STT3B: variants seen among roughly 807,000 people sequenced by gnomAD.
STT3B encodes STT3 oligosaccharyltransferase complex catalytic subunit B.
In STT3B, 29 loss-of-function variants were observed where a neutral mutation model predicts 96.8. The observed-to-expected ratio is 0.30, with a 90% CI of 0.22 to 0.41. The LOEUF (loss-of-function observed/expected upper bound fraction) is 0.41. STT3B is among the 10% of genes least tolerant of loss of function. STT3B has a pLI of 1.00. For missense variants in STT3B, 640 were observed against 1,022.3 expected (o/e 0.63, Z 5.10); for synonymous variants, 367 against 360.0 (o/e 1.02, Z -0.22).
At chr3:31,607,784 G>A (rs533651139) in intron 5 of STT3B, among the ~76,000 whole-genome samples, 11 of 151,978 alleles carry the variant, frequency 7.2e-5, no homozygotes, top group Middle Eastern at 6.8e-3. Context: ...TGTAGAAATG[G>A]TAGGGGGATC....
chr3:31,622,383 A>G (rs965392186), intron 10 of STT3B, 75 bp downstream of exon 10: 25 of 1,191,322 alleles, frequency 2.1e-5, no homozygotes, highest in East Asian at 2.5e-5. Flanking sequence ...AGAACTATAC[A>G]TATCAAGAAA....
At chr3:31,596,025 T>A (rs1282765906) in intron 3 of STT3B, among the ~76,000 whole-genome samples, 1 of 152,214 alleles carries the variant, frequency 6.6e-6, no homozygotes, top group African/African-American at 2.4e-5. Context: ...TTGTATCTTA[T>A]CTCCACAGTA....
At chr3:31,618,376 A>AT (rs1002661241) in intron 8 of STT3B, among the ~76,000 whole-genome samples, 1 of 151,584 alleles carries the variant, frequency 6.6e-6, no homozygotes, top group East Asian at 1.9e-4. Flanking sequence ...AGAAAATTTA[A>AT]TTTTTTCTAA....
At chr3:31,614,357 C>G (rs947302920) in intron 5 of STT3B, among the ~76,000 whole-genome samples, 1 of 151,884 alleles carries the variant, frequency 6.6e-6, no homozygotes, top group Admixed American at 6.6e-5. Flanking sequence ...TAATCAATTG[C>G]GTAACAGTGG....
At chr3:31,559,146 GGTGTGTGTGTGTGTGTGTGTGT>G (rs55707310) in intron 1 of STT3B, among the ~76,000 whole-genome samples, 1 of 116,532 alleles carries the variant, frequency 8.6e-6, no homozygotes, top group Non-Finnish European at 1.8e-5. Context: ...TGATTCTTGG[GGTGTGTGTGTGTGTGTGTGTGT>G]GTGTGTGTGT....
chr3:31,610,134 G>A (rs1409279204), intron 5 of STT3B, among the ~76,000 whole-genome samples: 2 of 152,090 alleles, frequency 1.3e-5, no homozygotes, highest in African/African-American at 4.8e-5. Flanking sequence ...TTTAATCCAT[G>A]TTTCTTACTA....
intron 1 of STT3B, among the ~76,000 whole-genome samples, chr3:31,541,638 G>A (rs930284910): frequency 1.3e-5 from 2 of 151,872 alleles, no homozygotes; most frequent in East Asian, 1.9e-4. Context: ...TTGCAGTGGC[G>A]CGATCTCAGC....
intron 14 of STT3B, among the ~76,000 whole-genome samples, chr3:31,632,391 G>A (rs1380460831): frequency 1.3e-5 from 2 of 152,224 alleles, no homozygotes; most frequent in East Asian, 1.9e-4. Flanking sequence ...AATTTTTAGC[G>A]TTAAGTAAAG....
chr3:31,558,639 A>G (rs1234234808), intron 1 of STT3B, among the ~76,000 whole-genome samples: 1 of 152,148 alleles, frequency 6.6e-6, no homozygotes, highest in Admixed American at 6.5e-5. Flanking sequence ...AGCCAGTTGT[A>G]GTATCCTTGT....
At chr3:31,577,701 A>G (rs2125452520) in intron 2 of STT3B, among the ~76,000 whole-genome samples, 1 of 152,220 alleles carries the variant, frequency 6.6e-6, no homozygotes, top group South Asian at 2.1e-4. Flanking sequence ...CCTTGATGTA[A>G]ATAGAGAGAA....
At chr3:31,620,520 G>A (rs544263204) in intron 9 of STT3B, among the ~76,000 whole-genome samples, 8 of 152,072 alleles carry the variant, frequency 5.3e-5, no homozygotes, top group East Asian at 1.9e-4. Flanking sequence ...ATTTTATAGC[G>A]GAATAAGGAT....
intron 1 of STT3B, among the ~76,000 whole-genome samples, chr3:31,534,518 C>T (rs1697036578): frequency 6.6e-6 from 1 of 152,092 alleles, no homozygotes; most frequent in South Asian, 2.1e-4. Context: ...AATTAAATTT[C>T]AGGATATTTG....
At chr3:31,618,256 C>T (rs192964640) in intron 8 of STT3B, among the ~76,000 whole-genome samples, 70 of 145,454 alleles carry the variant, frequency 4.8e-4, no homozygotes, top group African/African-American at 1.6e-3. Context: ...ATTTAGGTTA[C>T]CTTTGTGCAA....
At chr3:31,538,474 A>G (rs989884383) in intron 1 of STT3B, among the ~76,000 whole-genome samples, 1 of 151,662 alleles carries the variant, frequency 6.6e-6, no homozygotes, top group African/African-American at 2.4e-5. Context: ...CTCAGAAGAA[A>G]CTCTAAAGTG....
rs1699531173 is a variant in STT3B at position 31,626,100 on chromosome 3, T to G, written c.2046T>G (p.Ala682=). Residue 682 remains alanine (A), a synonymous_variant, in exon 13 of 16, where the codon GCT becomes GCG. Transcript: ENST00000295770. ...INKFLWMVRI[A]EGEHPKDIRE... ...AATTTCTCTGGATGGTTAGGATAGCTGAAGGAGAACATCCCAAAGACATTC... is the reference window on the plus strand; with the variant it reads ...AATTTCTCTGGATGGTTAGGATAGCGGAAGGAGAACATCCCAAAGACATTC... 1 of 1,613,514 alleles carries G rather than the reference T, an allele frequency of 6.2e-7. No individual in the cohort carries two copies. Among genetic ancestry groups the G allele is most frequent in the Non-Finnish European group, 8.5e-7 (1 of 1,179,824 alleles).
At chr3:31,616,458 AATG>A (rs1295821508) in intron 6 of STT3B, among the ~76,000 whole-genome samples, 1 of 151,978 alleles carries the variant, frequency 6.6e-6, no homozygotes, top group Non-Finnish European at 1.5e-5. Flanking sequence ...ATCTTGTCTA[AATG>A]TGTAATTAAG....
At chr3:31,585,267 T>G (rs1698509935) in intron 3 of STT3B, among the ~76,000 whole-genome samples, 1 of 152,074 alleles carries the variant, frequency 6.6e-6, no homozygotes. Context: ...ATAGCATAAT[T>G]GCCAGGGTTT....
intron 1 of STT3B, among the ~76,000 whole-genome samples, chr3:31,548,500 C>T (rs923360737): frequency 2.0e-5 from 3 of 151,884 alleles, no homozygotes; most frequent in East Asian, 1.9e-4. Flanking sequence ...ATAGAGTATA[C>T]CAAACATGCT....
intron 1 of STT3B, among the ~76,000 whole-genome samples, chr3:31,575,393 A>G (rs1698242383): frequency 6.6e-6 from 1 of 151,784 alleles, no homozygotes; most frequent in South Asian, 2.1e-4. Flanking sequence ...TTTCTACAGT[A>G]TTAATTTTTC....
Sources: gnomAD v4.1 joint callset for allele counts (sites outside exome capture counted in the v4.1 genomes callset) on GRCh38, gnomAD v4.1.1 for gene constraint, MANE v1.5 for transcripts, NCBI Gene and HGNC (gene_info 2026-07-23, HGNC 2026-07-21) for gene names.